The following TLE4 variants were observed in gnomAD, a reference collection of about 807,000 sequenced individuals.
TLE4 encodes the protein TLE family member 4, transcriptional corepressor.
In TLE4, 8 loss-of-function variants were observed where a neutral mutation model predicts 92.8. The observed-to-expected ratio is 0.09, with a 90% CI of 0.05 to 0.16. TLE4 has a LOEUF of 0.16. Among genes scored for constraint, TLE4 ranks in the 10% least tolerant of loss-of-function variants. TLE4 has a pLI of 1.00. For synonymous variants in TLE4, 371 were observed against 374.1 expected (o/e 0.99, Z 0.10); for missense variants, 675 against 997.6 (o/e 0.68, Z 4.36).
intron 11 of TLE4, 45 bp downstream of exon 11, chr9:79,706,944 T>G: frequency 6.3e-7 from 1 of 1,590,602 alleles, no homozygotes; most frequent in South Asian, 1.1e-5. Context: ...CTCTGCCAAT[T>G]TGATGTTTGA....
At chr9:79,655,007 T>C (rs2059574258) in intron 8 of TLE4, among the ~76,000 whole-genome samples, 1 of 152,166 alleles carries the variant, frequency 6.6e-6, no homozygotes, top group South Asian at 2.1e-4. Flanking sequence ...CTGGGCATAG[T>C]GGCTTGCGCC....
chr9:79,587,912 T>G (rs750111074), intron 4 of TLE4, among the ~76,000 whole-genome samples: 1 of 152,198 alleles, frequency 6.6e-6, no homozygotes, highest in East Asian at 1.9e-4. Flanking sequence ...ATTTGTTTAA[T>G]TTGTAATCTT....
Position 79,722,613 on chromosome 9 carries a change from C to G in TLE4, c.2137+12C>G, listed in dbSNP as rs762902756. 6.2e-7 allele frequency: 1 copy of G among 1,611,778 alleles called. No homozygotes were observed. Among genetic ancestry groups the G allele is most frequent in the South Asian group, 1.1e-5 (1 of 90,714 alleles). On this transcript the variant is annotated intron_variant, in intron 18 of 19. Coordinates refer to ENST00000376552, the MANE Select transcript of TLE4 (RefSeq NM_007005.6). ...GTTTGCCCATTGTGGTAAGCAAGCACCTTTTGTCCATTTTCTGTCAACCAG... is the reference window on the plus strand; with the variant it reads ...GTTTGCCCATTGTGGTAAGCAAGCAGCTTTTGTCCATTTTCTGTCAACCAG...
At chr9:79,625,670 A>G (rs2052428875) in intron 5 of TLE4, among the ~76,000 whole-genome samples, 1 of 152,112 alleles carries the variant, frequency 6.6e-6, no homozygotes, top group African/African-American at 2.4e-5. Flanking sequence ...AGTGCTCAAC[A>G]TACATACATG....
At chr9:79,720,642 C>G (rs950815050) in intron 16 of TLE4, among the ~76,000 whole-genome samples, 1 of 152,138 alleles carries the variant, frequency 6.6e-6, no homozygotes, top group Admixed American at 6.5e-5. Context: ...GTTTCCATGA[C>G]CCCATGAGCT....
At chr9:79,588,543 G>A (rs1055987433) in intron 4 of TLE4, among the ~76,000 whole-genome samples, 5 of 152,136 alleles carry the variant, frequency 3.3e-5, no homozygotes, top group African/African-American at 1.2e-4. Flanking sequence ...GTATCATTTG[G>A]GTATTTTGTT....
At position 79,706,765 on chromosome 9, in the gene TLE4, G is replaced by A. The variant is rs2135936710; in HGVS notation, c.802G>A (p.Gly268Arg). The A allele has an allele frequency of 2.5e-6, 4 of 1,613,620 alleles. No individual in the cohort carries two copies. Among genetic ancestry groups the A allele is most frequent in the South Asian group, 2.2e-5 (2 of 91,012 alleles). The change falls in exon 11 of 20, where the codon GGG (glycine) becomes AGG (arginine). Residue 268 changes from glycine to arginine, a missense_variant. Gly to Arg is a moderately radical substitution (Grantham distance 125). Transcript: ENST00000376552. ...VSNEDPSSPR[G>R]SPAHSPRENG... ...TTTGTAGGATCCATCTTCCCCTCGA[G>A]GGAGCCCAGCACATTCCCCCAGAGA...
intron 6 of TLE4, among the ~76,000 whole-genome samples, chr9:79,632,634 T>G (rs2054604256): frequency 1.3e-5 from 2 of 152,290 alleles, no homozygotes; most frequent in Admixed American, 6.5e-5. Flanking sequence ...CAACTCAGCT[T>G]TTGTGTTATT....
intron 4 of TLE4, among the ~76,000 whole-genome samples, chr9:79,588,908 A>C (rs149941126): frequency 7.0e-4 from 107 of 152,352 alleles, no homozygotes; most frequent in African/African-American, 2.5e-3. Flanking sequence ...GAACCCAAAC[A>C]AAAGAATTAG....
At chr9:79,637,942 G>A (rs1453546806) in intron 6 of TLE4, among the ~76,000 whole-genome samples, 1 of 152,108 alleles carries the variant, frequency 6.6e-6, no homozygotes, top group Non-Finnish European at 1.5e-5. Flanking sequence ...TTGAATCCAT[G>A]CCTTAGTAGA....
At chr9:79,716,480 G>T (rs2074517686) in intron 14 of TLE4, among the ~76,000 whole-genome samples, 1 of 152,140 alleles carries the variant, frequency 6.6e-6, no homozygotes, top group Non-Finnish European at 1.5e-5. Context: ...TCTGTTACCT[G>T]TTTTCCTCTC....
At chr9:79,576,755 A>G (rs2037915148) in intron 4 of TLE4, 1 of 151,554 alleles carries the variant, frequency 6.6e-6, no homozygotes, top group African/African-American at 2.4e-5. Flanking sequence ...TGATAGGAGG[A>G]TGTGATAAGG....
chr9:79,708,858 G>A (rs2072454319), intron 13 of TLE4, 72 bp downstream of exon 13: 1 of 1,480,858 alleles, frequency 6.8e-7, no homozygotes, highest in South Asian at 1.3e-5. Flanking sequence ...TTGCGACAGG[G>A]TCTCGCTCTG....
At chr9:79,649,949 T>C (rs2058691879) in intron 6 of TLE4, 2 of 1,176,290 alleles carry the variant, frequency 1.7e-6, no homozygotes, top group Non-Finnish European at 2.2e-6. Context: ...AGGGTTTCAC[T>C]CTGTCACACA....
chr9:79,608,882 T>C (rs1490761637), intron 4 of TLE4, among the ~76,000 whole-genome samples: 1 of 152,092 alleles, frequency 6.6e-6, no homozygotes, highest in Non-Finnish European at 1.5e-5. Context: ...TTTATGTCTT[T>C]TTAAGGAAAT....
At chr9:79,668,741 A>G (rs2061797162) in intron 8 of TLE4, 5 of 619,868 alleles carry the variant, frequency 8.1e-6, no homozygotes, top group Non-Finnish European at 7.2e-6. Context: ...AAAATAGTAT[A>G]GCTAGCAAAT....
rs947971071 is a variant in TLE4 at position 79,724,849 on chromosome 9, TAAAAAAAAAAAAAAA to T, written c.2215-170_2215-156del. Reference sequence around the variant, plus strand: ...GTGACTGAGGGAGACCCTGTCTTATTAAAAAAAAAAAAAAAAAAAAAAAAAAAAAAAAGCAGCAGT... The same window carrying T: ...GTGACTGAGGGAGACCCTGTCTTATTAAAAAAAAAAAAAAAAAGCAGCAGT... On this transcript the variant is annotated intron_variant, in intron 19 of 19. Transcript: ENST00000376552. Among the ~76,000 whole-genome samples, 125 of 26,000 alleles carry T rather than the reference TAAAAAAAAAAAAAAA, an allele frequency of 4.8e-3. 2 individuals are homozygous for T. Among genetic ancestry groups the T allele is most frequent in the African/African-American group, 0.019 (115 of 6,184 alleles). 17.1% of individuals were successfully genotyped at this position (26,000 alleles called of 152,430 possible). A position where few individuals can be genotyped will look rare whatever the true frequency, so the allele number is the denominator to read the frequency against.
At chr9:79,667,560 T>A (rs140125578) in intron 8 of TLE4, among the ~76,000 whole-genome samples, 68 of 152,328 alleles carry the variant, frequency 4.5e-4, no homozygotes, top group African/African-American at 1.6e-3. Flanking sequence ...AACAGCTGCT[T>A]TGACACTGTG....
chr9:79,708,696 GGCCTAC>G lies in TLE4; in HGVS notation c.1176_1181del (p.Tyr393_Ala394del). The G allele has an allele frequency of 6.2e-7, 1 of 1,613,570 alleles. No individual in the cohort carries two copies. The highest frequency in any genetic ancestry group is 8.5e-7 in the Non-Finnish European group (1 of 1,180,032). On this transcript the variant is annotated inframe_deletion, in exon 13 of 20. Transcript: ENST00000376552. ...ACGGAGAGCTGACCAGCCCCGGAGC[GGCCTAC>G]GCTGGGCTCCACAACATCTCCCCTC...
Sources: allele counts gnomAD v4.1 joint callset (sites outside exome capture counted in the v4.1 genomes callset), GRCh38; gene constraint gnomAD v4.1.1; transcripts MANE v1.5; gene names NCBI Gene and HGNC (gene_info 2026-07-23, HGNC 2026-07-21).